The following OR2L13 variants were observed in gnomAD, a reference collection of about 807,000 sequenced individuals.
OR2L13 encodes olfactory receptor 2L13.
In OR2L13, 14 loss-of-function variants were observed where a neutral mutation model predicts 15.3. The observed-to-expected ratio is 0.91, with a 90% CI of 0.60 to 1.43. OR2L13 has a LOEUF of 1.43. OR2L13 is among the 40% of genes most tolerant of loss of function. The probability of loss-of-function intolerance (pLI) is 0.00; values close to 1 mark genes in which losing one functional copy is unlikely to be tolerated. For synonymous variants in OR2L13, 152 were observed against 142.9 expected (o/e 1.06, Z -0.45); for missense variants, 367 against 387.9 (o/e 0.95, Z 0.45).
exon 3 of OR2L13, chr1:248,099,695 C>T (rs751292468): frequency 3.1e-6 from 5 of 1,614,062 alleles, no homozygotes; most frequent in Non-Finnish European, 2.5e-6. Context: ...CTGACCATGG[C>T]GTGTTCTGAA....
chr1:247,960,252 G>T, the OR2L13 span, among the ~76,000 whole-genome samples: 1 of 152,298 alleles, frequency 6.6e-6, no homozygotes, highest in East Asian at 1.9e-4. Flanking sequence ...CTGCAGAACA[G>T]CGGATATTGG....
At chr1:247,957,123 A>G in the OR2L13 span, among the ~76,000 whole-genome samples, 7 of 145,840 alleles carry the variant, frequency 4.8e-5, no homozygotes, top group Admixed American at 5.1e-4. Context: ...TGTCCCTTCA[A>G]TACCTAATTT....
chr1:247,990,053 G>C, the OR2L13 span, among the ~76,000 whole-genome samples: 4 of 151,892 alleles, frequency 2.6e-5, no homozygotes, highest in African/African-American at 9.7e-5. Context: ...TTTCTTTTTA[G>C]TTATTTTTGT....
At chr1:248,053,850 G>C in the OR2L13 span, among the ~76,000 whole-genome samples, 102 of 152,152 alleles carry the variant, frequency 6.7e-4, no homozygotes, top group African/African-American at 2.4e-3. Context: ...TGTAGATTCT[G>C]GAATTAGATC....
the OR2L13 span, among the ~76,000 whole-genome samples, chr1:247,977,671 G>T: frequency 6.6e-6 from 1 of 152,150 alleles, no homozygotes; most frequent in African/African-American, 2.4e-5. Context: ...ACTGCTTACT[G>T]CTTAAAAGTC....
the OR2L13 span, chr1:248,061,814 T>A: frequency 2.3e-6 from 1 of 441,868 alleles, no homozygotes. Flanking sequence ...TTTTTCTTCA[T>A]GGCATTGTTT....
chr1:247,966,989 G>A, the OR2L13 span, among the ~76,000 whole-genome samples: 1 of 151,364 alleles, frequency 6.6e-6, no homozygotes, highest in African/African-American at 2.4e-5. Flanking sequence ...ATCTATTGAT[G>A]TGACTCTTTT....
chr1:248,084,511 A>C, the OR2L13 span: 1 of 1,613,074 alleles, frequency 6.2e-7, no homozygotes, highest in East Asian at 2.2e-5. Flanking sequence ...GATACTCAGA[A>C]CCATCATGAA....
chr1:248,063,461 G>A, the OR2L13 span: 1 of 152,196 alleles, frequency 6.6e-6, no homozygotes, highest in East Asian at 1.9e-4. Flanking sequence ...GTGCTTTTTT[G>A]CAATGAGCAG....
chr1:247,959,528 T>C, the OR2L13 span, among the ~76,000 whole-genome samples: 1 of 151,900 alleles, frequency 6.6e-6, no homozygotes, highest in Admixed American at 6.6e-5. Context: ...GATAATATCC[T>C]GCAGAGTGTT....
At chr1:248,091,493 T>A (rs1664595555), upstream of OR2L13, among the ~76,000 whole-genome samples, 1 of 152,148 alleles carries the variant, frequency 6.6e-6, no homozygotes, top group African/African-American at 2.4e-5. Context: ...TACAATCTTC[T>A]GCATTTGACT....
upstream of OR2L13, among the ~76,000 whole-genome samples, chr1:248,095,607 C>CTT (rs780686820): frequency 0.011 from 409 of 37,302 alleles, 120 homozygotes; most frequent in South Asian, 0.027. Context: ...AAAGCTGCTG[C>CTT]TTTTTTTTTT....
chr1:248,070,592 A>C, the OR2L13 span, among the ~76,000 whole-genome samples: 1 of 152,224 alleles, frequency 6.6e-6, no homozygotes, highest in African/African-American at 2.4e-5. Flanking sequence ...AAACAGATTC[A>C]AACGCTAGCA....
the OR2L13 span, among the ~76,000 whole-genome samples, chr1:248,080,625 G>A: frequency 1.3e-5 from 2 of 152,166 alleles, no homozygotes; most frequent in Non-Finnish European, 2.9e-5. Flanking sequence ...TCTAATGGCT[G>A]TATAGTCTTT....
the OR2L13 span, among the ~76,000 whole-genome samples, chr1:247,961,683 G>A: frequency 6.6e-6 from 1 of 152,194 alleles, no homozygotes; most frequent in African/African-American, 2.4e-5. Context: ...GCCATGTCTG[G>A]ACCTGAAGAG....
chr1:248,100,370 C>T (rs954722833), exon 3 of OR2L13: 3 of 1,024,260 alleles, frequency 2.9e-6, no homozygotes, highest in East Asian at 2.4e-5. Flanking sequence ...TTCCAACACG[C>T]TAGAGCAGGG....
the OR2L13 span, chr1:248,060,853 A>G: frequency 6.2e-7 from 1 of 1,613,860 alleles, no homozygotes; most frequent in Non-Finnish European, 8.5e-7. Context: ...CCACACACCC[A>G]TGTATTTCCT....
the OR2L13 span, among the ~76,000 whole-genome samples, chr1:247,977,810 C>T: frequency 6.6e-6 from 1 of 152,082 alleles, no homozygotes; most frequent in Non-Finnish European, 1.5e-5. Flanking sequence ...GATCCACTGA[C>T]GCAGGGGGTC....
chr1:248,064,416 A>G, the OR2L13 span, among the ~76,000 whole-genome samples: 1 of 152,170 alleles, frequency 6.6e-6, no homozygotes, highest in Non-Finnish European at 1.5e-5. Context: ...TTGTCTTAAG[A>G]CAAAGAACTT....
Sources: allele counts gnomAD v4.1 joint callset (sites outside exome capture counted in the v4.1 genomes callset), GRCh38; gene constraint gnomAD v4.1.1; transcripts MANE v1.5; gene names NCBI Gene and HGNC (gene_info 2026-07-23, HGNC 2026-07-21).